Variants in FAM83B observed in about 807,000 individuals in gnomAD.
The protein encoded by FAM83B is scaffolding CK1 anchoring protein B, also known as protein FAM83B.
Under a neutral mutation model 38.8 loss-of-function variants are expected in FAM83B, and 26 were observed. The observed-to-expected ratio is 0.67, with a 90% CI of 0.49 to 0.93. The LOEUF is 0.93. FAM83B is among the 40% of genes least tolerant of loss of function. The pLI, the probability that FAM83B is intolerant of heterozygous loss-of-function variation, is 0.00. For missense variants in FAM83B, 1,237 were observed against 1,197.3 expected (o/e 1.03, Z -0.49); for synonymous variants, 419 against 423.1 (o/e 0.99, Z 0.12).
intron 2 of FAM83B, among the ~76,000 whole-genome samples, chr6:54,924,608 T>C (rs1581924605): frequency 1.3e-5 from 2 of 152,026 alleles, no homozygotes; most frequent in East Asian, 3.9e-4. Context: ...GCCCTGTGTT[T>C]CCTCAGTCTC....
At chr6:54,905,890 G>C (rs1772767326) in intron 2 of FAM83B, among the ~76,000 whole-genome samples, 1 of 151,556 alleles carries the variant, frequency 6.6e-6, no homozygotes, top group Non-Finnish European at 1.5e-5. Flanking sequence ...CTATAAACAT[G>C]TTTTTCTCTT....
rs539043782 is a variant in FAM83B at position 54,862,075 on chromosome 6, G to A, written c.-60-8112G>A. 5.9e-5 allele frequency among the ~76,000 whole-genome samples: 9 copies of A among 152,280 alleles called. No individual in the cohort carries two copies. In the South Asian group the frequency reaches 1.9e-3, roughly 32 times the overall value. ...GACATTAGGGTCTAAGAAAACCCAG[G>A]TGGGGTCATAATGGGTTTGTTTTCG... On this transcript the variant is annotated intron_variant, in intron 1 of 4. Transcript: ENST00000306858.
intron 2 of FAM83B, among the ~76,000 whole-genome samples, chr6:54,911,840 G>A (rs1772914489): frequency 6.6e-6 from 1 of 151,994 alleles, no homozygotes; most frequent in Admixed American, 6.6e-5. Flanking sequence ...AAATGTTGCT[G>A]ATCACAATAG....
intron 1 of FAM83B, among the ~76,000 whole-genome samples, chr6:54,864,188 G>A (rs768966025): frequency 2.0e-5 from 3 of 151,996 alleles, no homozygotes; most frequent in Non-Finnish European, 4.4e-5. Context: ...AATTCCTGTA[G>A]TTTATATCTA....
chr6:54,929,762 T>C (rs1372457209), intron 4 of FAM83B, among the ~76,000 whole-genome samples: 1 of 152,126 alleles, frequency 6.6e-6, no homozygotes, highest in Non-Finnish European at 1.5e-5. Context: ...GAACTCGGAA[T>C]TTTTAAGTCA....
intron 2 of FAM83B, among the ~76,000 whole-genome samples, chr6:54,919,876 T>C (rs1773132080): frequency 6.6e-6 from 1 of 152,020 alleles, no homozygotes; most frequent in South Asian, 2.1e-4. Context: ...AGATATTCTC[T>C]GGTTCATTTG....
chr6:54,931,881 C>G (rs1773426397), intron 4 of FAM83B, among the ~76,000 whole-genome samples: 1 of 150,798 alleles, frequency 6.6e-6, no homozygotes, highest in Non-Finnish European at 1.5e-5. Flanking sequence ...TTTTTTCCCT[C>G]TTTTACTGCA....
intron 1 of FAM83B, among the ~76,000 whole-genome samples, chr6:54,868,068 T>C (rs1357950355): frequency 6.6e-6 from 1 of 152,170 alleles, no homozygotes; most frequent in Non-Finnish European, 1.5e-5. Flanking sequence ...TTTAAGTGAA[T>C]GCAAATCTTA....
intron 1 of FAM83B, among the ~76,000 whole-genome samples, chr6:54,861,369 A>T (rs1771578096): frequency 6.6e-6 from 1 of 152,220 alleles, no homozygotes; most frequent in Non-Finnish European, 1.5e-5. Context: ...AGCCTGGCCA[A>T]CATGGCAAAA....
chr6:54,939,102 A>G (rs889262343), intron 4 of FAM83B, among the ~76,000 whole-genome samples: 1 of 152,084 alleles, frequency 6.6e-6, no homozygotes, highest in Non-Finnish European at 1.5e-5. Flanking sequence ...TTCCAGTATC[A>G]TTTGTTGAAT....
At chr6:54,932,937 T>C (rs1402967068) in intron 4 of FAM83B, among the ~76,000 whole-genome samples, 1 of 152,194 alleles carries the variant, frequency 6.6e-6, no homozygotes, top group Non-Finnish European at 1.5e-5. Flanking sequence ...CTTGGTGTAA[T>C]TCTTTTTGGA....
intron 2 of FAM83B, among the ~76,000 whole-genome samples, chr6:54,893,986 C>T (rs1006734927): frequency 2.0e-5 from 3 of 152,184 alleles, no homozygotes; most frequent in African/African-American, 7.2e-5. Context: ...TTTCTTCTCA[C>T]CTTATTTTAA....
rs773912066 is a variant in FAM83B, at chr6:54,940,742, A to T, written c.1771A>T (p.Thr591Ser). ...CACCCCTACGAATGTACAGCATTTGACAGACAAACCCTTGCCAGAATCAAT... is the reference window on the plus strand; with the variant it reads ...CACCCCTACGAATGTACAGCATTTGTCAGACAAACCCTTGCCAGAATCAAT... ...PDTPTNVQHLTDKPLPESIPK... is the reference protein window; with the variant it reads ...PDTPTNVQHLSDKPLPESIPK... The change falls in exon 5 of 5, where the codon ACA becomes TCA. Residue 591 changes from threonine (T) to serine (S), a missense_variant. Transcript: ENST00000306858. 3.1e-5 allele frequency: 50 copies of T among 1,613,924 alleles called. No individual in the cohort carries two copies. The highest frequency in any genetic ancestry group is 2.1e-4 in the South Asian group (19 of 91,072).
intron 2 of FAM83B, among the ~76,000 whole-genome samples, chr6:54,884,528 A>C (rs1031603196): frequency 2.0e-5 from 3 of 151,704 alleles, no homozygotes; most frequent in African/African-American, 7.3e-5. Flanking sequence ...AATATCAAGA[A>C]GATGTTATCC....
intron 1 of FAM83B, among the ~76,000 whole-genome samples, chr6:54,865,241 G>A (rs1413951961): frequency 1.3e-5 from 2 of 152,252 alleles, no homozygotes; most frequent in South Asian, 2.1e-4. Flanking sequence ...TGCTCTAGGG[G>A]AGAATCTGTT....
chr6:54,895,826 C>T (rs535253271), intron 2 of FAM83B, among the ~76,000 whole-genome samples: 1 of 151,888 alleles, frequency 6.6e-6, no homozygotes, highest in Non-Finnish European at 1.5e-5. Context: ...CTGCAACCTC[C>T]GCCTCCCAGG....
rs568911969 is a variant in FAM83B, at chr6:54,939,754, T to C, written c.783T>C (p.Ile261=). ...CTCACCTCAGCATGGTTCAGATAAT[T>C]ACAGGACAACTTGTTGAGTCCTTTG... ...EKAHLSMVQI[I]TGQLVESFDE... The change falls in exon 5 of 5, where the codon ATT becomes ATC. Residue 261 remains isoleucine (I), a synonymous_variant. Transcript: ENST00000306858. 1.2e-6 allele frequency: 2 copies of C among 1,613,654 alleles called. No individual in the cohort carries two copies. Among genetic ancestry groups the C allele is most frequent in the African/African-American group, 1.3e-5 (1 of 75,034 alleles).
chr6:54,869,365 GTT>G (rs968958140), intron 1 of FAM83B, among the ~76,000 whole-genome samples: 10 of 152,092 alleles, frequency 6.6e-5, no homozygotes, highest in African/African-American at 2.2e-4. Flanking sequence ...TCAAACAGAA[GTT>G]TTGTTGAATC....
chr6:54,868,792 TG>T (rs1456325192), intron 1 of FAM83B, among the ~76,000 whole-genome samples: 1 of 152,128 alleles, frequency 6.6e-6, no homozygotes, highest in Non-Finnish European at 1.5e-5. Context: ...GAAAAGAACA[TG>T]TTCTATTTTT....
Sources: gnomAD v4.1 joint callset for allele counts (sites outside exome capture counted in the v4.1 genomes callset) on GRCh38, gnomAD v4.1.1 for gene constraint, MANE v1.5 for transcripts, NCBI Gene and HGNC (gene_info 2026-07-23, HGNC 2026-07-21) for gene names.